Variants in FANCD2 observed in about 807,000 individuals in gnomAD.
FANCD2 encodes Fanconi anemia group D2 protein.
In FANCD2, 131 loss-of-function variants were observed where a neutral mutation model predicts 192.3. The ratio of observed to expected loss-of-function variants is 0.68; its 90% CI spans 0.59 to 0.79. FANCD2 has a LOEUF of 0.79. FANCD2 is among the 30% of genes least tolerant of loss of function. FANCD2 has a pLI of 0.00. For missense variants in FANCD2, 1,508 were observed against 1,701.6 expected, an observed-to-expected ratio of 0.89 and a Z score of 2.00; for synonymous variants, 524 against 612.5, an observed-to-expected ratio of 0.86 and a Z score of 2.13.
chr3:10,058,587 T>C (rs1460828998), intron 18 of FANCD2, among the ~76,000 whole-genome samples: 2 of 152,226 alleles, frequency 1.3e-5, no homozygotes, highest in African/African-American at 4.8e-5. Flanking sequence ...CCAGTGCCAA[T>C]TTGTTGAGAA....
At chr3:10,077,332 GT>G (rs112820708) in intron 29 of FANCD2, among the ~76,000 whole-genome samples, 34,344 of 152,078 alleles carry the variant, frequency 0.23, 5,008 homozygotes, top group African/African-American at 0.42. Flanking sequence ...TGAGACAGGC[GT>G]TATCACCTGA....
In FANCD2 at chr3:10,055,499, A is replaced by T. The variant is rs542797482; in HGVS notation, c.1656+3002A>T. On this transcript the variant is annotated intron_variant, in intron 18 of 43. Transcript: ENST00000675286. ...AGGTTGTAGCATGCATCAGAACTTT[A>T]TTCCCATTACAGCTATAATAATTCC... Among the ~76,000 whole-genome samples, 9 of 152,266 alleles carry T rather than the reference A, an allele frequency of 5.9e-5. No individual in the cohort carries two copies. In the South Asian group the frequency reaches 1.9e-3, roughly 32 times the overall value.
At chr3:10,033,681 T>A (rs926166475) in intron 3 of FANCD2, among the ~76,000 whole-genome samples, 9 of 145,358 alleles carry the variant, frequency 6.2e-5, no homozygotes, top group African/African-American at 2.3e-4. Context: ...AGTGGCTATC[T>A]GCTATCAAAG....
intron 18 of FANCD2, among the ~76,000 whole-genome samples, chr3:10,057,746 G>T (rs1286676475): frequency 6.6e-6 from 1 of 151,960 alleles, no homozygotes; most frequent in African/African-American, 2.4e-5. Context: ...TTTAGAAGGG[G>T]TAAACAGTGA....
intron 18 of FANCD2, among the ~76,000 whole-genome samples, chr3:10,056,993 C>T (rs2087431044): frequency 6.6e-6 from 1 of 151,940 alleles, no homozygotes; most frequent in Admixed American, 6.6e-5. Flanking sequence ...TAGCTGGGAC[C>T]ATAGGTGTGC....
chr3:10,094,232 A>G, intron 39 of FANCD2, 57 bp from the exon 40 acceptor site: 2 of 1,315,938 alleles, frequency 1.5e-6, no homozygotes. Context: ...ATTCTGCCTC[A>G]GGGGCCTTTC....
At chr3:10,054,446 C>CAT (rs1319690526) in intron 18 of FANCD2, among the ~76,000 whole-genome samples, 772 of 36,472 alleles carry the variant, frequency 0.021, 34 homozygotes, top group Middle Eastern at 0.025. Context: ...CATGTATATA[C>CAT]ATATATATAT....
chr3:10,084,925 G>C (rs1273756962), intron 32 of FANCD2, among the ~76,000 whole-genome samples: 3 of 151,942 alleles, frequency 2.0e-5, no homozygotes, highest in Admixed American at 2.0e-4. Flanking sequence ...GATTGAAAAG[G>C]GATGCAAAAA....
At position 10,037,851 on chromosome 3, in the gene FANCD2, CA is replaced by C. The variant is rs139676351; in HGVS notation, c.492-1427del. 1.6e-4 allele frequency among the ~76,000 whole-genome samples: 24 copies of C among 152,074 alleles called. 1 individual carries two copies. The highest frequency in any genetic ancestry group is 9.7e-4 in the East Asian group (5 of 5,176). Reference sequence around the variant, plus strand: ...ATTGCAGTTTTTGCAATAAGTAGTTCAGTATTTTGTTTAAAAAAGAAGATAC... The same window carrying C: ...ATTGCAGTTTTTGCAATAAGTAGTTCGTATTTTGTTTAAAAAAGAAGATAC... On this transcript the variant is annotated intron_variant, in intron 7 of 43. Transcript: ENST00000675286.
chr3:10,065,405 C>T lies in FANCD2; in HGVS notation c.2180C>T (p.Pro727Leu), dbSNP rs146509445. ...TTTCTCCTTCTCAGATTGGTGTCTC[C>T]GCTGTGCCTGGCTCCGTATTTCCGG... ...SQESGQKLVSPLCLAPYFRLL... is the reference protein window; with the variant it reads ...SQESGQKLVSLLCLAPYFRLL... Residue 727 changes from proline (P) to leucine (L), a missense_variant, in exon 24 of 44, where the codon CCG becomes CTG. Physicochemically the swap from Pro to Leu is moderately conservative, Grantham distance 98. Around this residue, in one of 5 missense-constraint regions of FANCD2, gnomAD observed 796 missense variants for 879.4 expected, o/e 0.91. Coordinates refer to ENST00000675286, the MANE Select transcript of FANCD2 (RefSeq NM_001018115.3). 1.8e-4 allele frequency: 288 copies of T among 1,612,810 alleles called. 1 individual carries two copies. The highest frequency in any genetic ancestry group is 9.9e-4 in the African/African-American group (74 of 74,990).
At chr3:10,080,220 C>G (rs1373415349) in intron 30 of FANCD2, among the ~76,000 whole-genome samples, 4 of 151,756 alleles carry the variant, frequency 2.6e-5, no homozygotes, top group African/African-American at 9.7e-5. Flanking sequence ...GCAATTCATT[C>G]TTCTTTGTAT....
chr3:10,051,147 G>T (rs1274931981), intron 17 of FANCD2, among the ~76,000 whole-genome samples: 9 of 151,094 alleles, frequency 6.0e-5, no homozygotes, highest in Non-Finnish European at 8.8e-5. Flanking sequence ...TTGGGAGGCC[G>T]AGGTGGGCGG....
At chr3:10,034,902 T>C in intron 5 of FANCD2, 104 bp downstream of exon 5, 1 of 889,718 alleles carries the variant, frequency 1.1e-6, no homozygotes, top group East Asian at 2.6e-5. Flanking sequence ...ATTTTTGGTG[T>C]AAGCTCTGTT....
rs1198327634 is a variant in FANCD2, at chr3:10,101,687, T to G, written c.*425T>G. On this transcript the variant is annotated 3_prime_UTR_variant, in exon 44 of 44. Transcript: ENST00000675286. ...CATGAGCCACCGCTCCCAGCCATAT[T>G]TTGTTCTTAAAGTGGGGTCTTTATT... 7.2e-6 allele frequency: 2 copies of G among 277,908 alleles called. No individual in the cohort carries two copies. The highest frequency in any genetic ancestry group is 1.4e-5 in the Non-Finnish European group (2 of 144,032). The allele number at this position is 277,908 out of a possible 1,614,324, so 17.2% of individuals were successfully genotyped here. A position where few individuals can be genotyped will look rare whatever the true frequency, so the allele number is the denominator to read the frequency against.
chr3:10,060,557 CTG>C (rs2087536105), intron 19 of FANCD2, among the ~76,000 whole-genome samples, 154 bp downstream of exon 19: 1 of 152,200 alleles, frequency 6.6e-6, no homozygotes, highest in African/African-American at 2.4e-5. Flanking sequence ...CTAATCGTGA[CTG>C]TATATATTAC....
intron 2 of FANCD2, among the ~76,000 whole-genome samples, chr3:10,030,910 A>G (rs1485831031): frequency 1.3e-5 from 2 of 151,984 alleles, no homozygotes; most frequent in Non-Finnish European, 2.9e-5. Flanking sequence ...CAAAAAAAAA[A>G]GGAAGTTGTG....
intron 35 of FANCD2, 133 bp downstream of exon 35, chr3:10,088,675 A>T: frequency 9.1e-7 from 1 of 1,094,066 alleles, no homozygotes; most frequent in Non-Finnish European, 1.4e-6. Context: ...AATGAACACA[A>T]TTTGGAACAT....
intron 15 of FANCD2, among the ~76,000 whole-genome samples, chr3:10,047,611 C>G (rs539706349): frequency 6.6e-6 from 1 of 152,390 alleles, no homozygotes; most frequent in Admixed American, 6.5e-5. Flanking sequence ...CATGGGGAAA[C>G]TGGGATTTAG....
chr3:10,085,563 T>C (rs532450327), intron 32 of FANCD2, among the ~76,000 whole-genome samples: 1 of 152,214 alleles, frequency 6.6e-6, no homozygotes, highest in South Asian at 2.1e-4. Context: ...AGCTAATTTT[T>C]GTATTTTTAG....
Sources: allele counts gnomAD v4.1 joint callset (sites outside exome capture counted in the v4.1 genomes callset), GRCh38; gene constraint gnomAD v4.1.1; regional missense constraint gnomAD v4.1.1; transcripts MANE v1.5; gene names NCBI Gene and HGNC (gene_info 2026-07-23, HGNC 2026-07-21).